The following LDB3 variants were observed in gnomAD, a reference collection of about 807,000 sequenced individuals.
LDB3 encodes the protein LIM domain-binding protein 3.
LDB3 carries 49 observed loss-of-function variants against 69.0 expected under a neutral mutation model. That is an observed-to-expected ratio of 0.71 (90% CI 0.56 to 0.90). LDB3 has a LOEUF of 0.90. Ranked by LOEUF, LDB3 falls within the 40% of genes least tolerant of loss-of-function variation. LDB3 has a pLI of 0.00. For synonymous variants in LDB3, 387 were observed against 396.2 expected, an observed-to-expected ratio of 0.98 and a Z score of 0.28; for missense variants, 928 against 974.1, an observed-to-expected ratio of 0.95 and a Z score of 0.63.
chr10:86,711,936 T>C (rs1211506970), intron 9 of LDB3, among the ~76,000 whole-genome samples: 3 of 152,038 alleles, frequency 2.0e-5, no homozygotes, highest in Admixed American at 2.0e-4. Context: ...AGGGGACTTT[T>C]GAACTTGCCA....
intron 13 of LDB3, among the ~76,000 whole-genome samples, chr10:86,731,247 C>T (rs188474926): frequency 4.1e-5 from 5 of 121,886 alleles, no homozygotes; most frequent in South Asian, 2.8e-4. Flanking sequence ...TTTTTTGAGA[C>T]GGAATCTCGC....
intron 5 of LDB3, among the ~76,000 whole-genome samples, chr10:86,690,040 G>C (rs1845685006): frequency 2.0e-5 from 3 of 152,192 alleles, no homozygotes; most frequent in Admixed American, 6.5e-5. Context: ...GGGGTTGTGG[G>C]AAATGAAGCC....
At chr10:86,679,115 A>G (rs1051092888) in intron 2 of LDB3, among the ~76,000 whole-genome samples, 7 of 152,154 alleles carry the variant, frequency 4.6e-5, no homozygotes, top group African/African-American at 1.7e-4. Context: ...AGGAGCATAC[A>G]TTGCTTCCAC....
intron 7 of LDB3, among the ~76,000 whole-genome samples, chr10:86,693,625 T>A (rs935197179): frequency 1.6e-4 from 24 of 152,388 alleles, no homozygotes; most frequent in African/African-American, 5.3e-4. Context: ...CTCCCAGGCC[T>A]GCTAAGGATG....
At chr10:86,728,592 T>G (rs1345988810) in intron 13 of LDB3, among the ~76,000 whole-genome samples, 1 of 149,704 alleles carries the variant, frequency 6.7e-6, no homozygotes, top group Non-Finnish European at 1.5e-5. Flanking sequence ...TTTTGTTTTT[T>G]TTTTTTTTTG....
intron 7 of LDB3, among the ~76,000 whole-genome samples, chr10:86,702,804 T>C (rs958726991): frequency 4.6e-5 from 7 of 152,196 alleles, no homozygotes; most frequent in African/African-American, 1.7e-4. Context: ...TCCTTCAAGA[T>C]ACCCTTTGAT....
intron 5 of LDB3, among the ~76,000 whole-genome samples, chr10:86,690,416 T>C (rs1408965293): frequency 6.6e-6 from 1 of 152,234 alleles, no homozygotes; most frequent in Non-Finnish European, 1.5e-5. Flanking sequence ...GGCTCCTCCC[T>C]GGCCGGACCC....
intron 7 of LDB3, among the ~76,000 whole-genome samples, chr10:86,695,992 C>T (rs1039840761): frequency 6.6e-6 from 1 of 152,246 alleles, no homozygotes; most frequent in Non-Finnish European, 1.5e-5. Context: ...GCGTTAGGAA[C>T]AAAGCTGATC....
At chr10:86,669,711 A>G (rs963689048) in intron 2 of LDB3, among the ~76,000 whole-genome samples, 1 of 152,218 alleles carries the variant, frequency 6.6e-6, no homozygotes, top group East Asian at 1.9e-4. Context: ...GCGAACTGTG[A>G]GGCATACAGG....
intron 9 of LDB3, among the ~76,000 whole-genome samples, chr10:86,715,034 G>A (rs1328744391): frequency 6.6e-6 from 1 of 152,226 alleles, no homozygotes. Flanking sequence ...GGGAGTGGAA[G>A]GTGCAGAGTG....
chr10:86,693,494 C>T (rs1845867503), intron 7 of LDB3, among the ~76,000 whole-genome samples: 1 of 152,246 alleles, frequency 6.6e-6, no homozygotes, highest in Admixed American at 6.5e-5. Flanking sequence ...GGCCATGTGA[C>T]CTGTGCAGAG....
chr10:86,704,477 AT>A (rs2132453405), intron 7 of LDB3, among the ~76,000 whole-genome samples: 1 of 151,070 alleles, frequency 6.6e-6, no homozygotes, highest in South Asian at 2.1e-4. Flanking sequence ...GTGCAATGGC[AT>A]GCATGATCTC....
chr10:86,695,330 C>T (rs919782598), intron 7 of LDB3, among the ~76,000 whole-genome samples: 1 of 152,240 alleles, frequency 6.6e-6, no homozygotes, highest in African/African-American at 2.4e-5. Context: ...CCCAGAGTCC[C>T]AGGGCAGCTC....
intron 5 of LDB3, among the ~76,000 whole-genome samples, chr10:86,687,766 T>C (rs1845567818): frequency 6.6e-6 from 1 of 152,240 alleles, no homozygotes; most frequent in African/African-American, 2.4e-5. Context: ...GTCCCACAGA[T>C]GGGAGCAATC....
intron 12 of LDB3, among the ~76,000 whole-genome samples, chr10:86,720,601 C>T (rs1847047315): frequency 6.6e-6 from 1 of 152,144 alleles, no homozygotes; most frequent in African/African-American, 2.4e-5. Flanking sequence ...CAGACCTTTC[C>T]TTTCTCATGA....
intron 8 of LDB3, among the ~76,000 whole-genome samples, chr10:86,708,900 C>T (rs1846539997): frequency 6.6e-6 from 1 of 152,176 alleles, no homozygotes; most frequent in African/African-American, 2.4e-5. Context: ...CAGCTCTGCC[C>T]AGCAGGGATC....
At chr10:86,703,260 C>T (rs1427516061) in intron 7 of LDB3, among the ~76,000 whole-genome samples, 2 of 152,204 alleles carry the variant, frequency 1.3e-5, no homozygotes, top group Non-Finnish European at 2.9e-5. Flanking sequence ...TCAGCCTGAG[C>T]CGTCCCAGGC....
Position 86,680,138 on chromosome 10 carries a change from C to T in LDB3, c.302C>T (p.Pro101Leu), listed in dbSNP as rs45592139. 2,899 of 1,614,162 alleles carry T rather than the reference C, an allele frequency of 1.8e-3. 27 individuals are homozygous for T. The African/African-American group carries it at 0.028, about 16-fold the overall frequency. ...TTAPPVQTPL[P>L]VIPHQKDPAL... The stretch of plus-strand genomic sequence containing the variant: ...GCACCTCCAGTCCAGACCCCTCTGC[C>T]GGTGATCCCTCACCAGAAGGTAGGT... Residue 101 changes from proline to leucine, a missense_variant, in exon 4 of 14, where the codon CCG becomes CTG. Pro to Leu is a moderately conservative substitution (Grantham distance 98). Transcript: ENST00000361373.
rs564202393 is a variant in LDB3 at position 86,731,037 on chromosome 10, C to T, written c.2095-1850C>T. Among the ~76,000 whole-genome samples the T allele has an allele frequency of 2.6e-5, 4 of 151,530 alleles. No homozygotes were observed. In the South Asian group the frequency reaches 6.3e-4, roughly 24 times the overall value. On this transcript the variant is annotated intron_variant, in intron 13 of 13. Transcript: ENST00000361373. ...GAGTATGGTGGTGGGCGCCTGTAAT[C>T]CCAGCTACTAGGGAGGCTGAGGCAG...
Sources: gnomAD v4.1 joint callset for allele counts (sites outside exome capture counted in the v4.1 genomes callset) on GRCh38, gnomAD v4.1.1 for gene constraint, MANE v1.5 for transcripts, NCBI Gene and HGNC (gene_info 2026-07-23, HGNC 2026-07-21) for gene names.